The following CCSER1 variants were observed in gnomAD, a reference collection of about 807,000 sequenced individuals.
CCSER1 encodes the protein coiled-coil serine rich protein 1.
Under a neutral mutation model 82.0 loss-of-function variants are expected in CCSER1, and 41 were observed. The observed-to-expected ratio is 0.50, with a 90% confidence interval of 0.39 to 0.65. The LOEUF is 0.65. Among genes scored for constraint, CCSER1 ranks in the 30% least tolerant of loss-of-function variants. The pLI is 0.00. For missense variants in CCSER1, 1,119 were observed against 1,064.2 expected, an observed-to-expected ratio of 1.05 and a Z score of -0.72; for synonymous variants, 414 against 383.9, an observed-to-expected ratio of 1.08 and a Z score of -0.92.
chr4:91,346,208 G>T (rs983717221), intron 10 of CCSER1, among the ~76,000 whole-genome samples: 6 of 152,044 alleles, frequency 3.9e-5, no homozygotes, highest in East Asian at 1.9e-4. Context: ...GTAGAGACAG[G>T]GTTTCACCAT....
intron 1 of CCSER1, among the ~76,000 whole-genome samples, chr4:90,131,542 A>G (rs1358066372): frequency 1.3e-5 from 2 of 152,302 alleles, no homozygotes; most frequent in Non-Finnish European, 1.5e-5. Context: ...GTGAGCATCT[A>G]TTGAATACTC....
chr4:91,034,540 T>A (rs62310986), intron 9 of CCSER1, among the ~76,000 whole-genome samples: 6,407 of 145,948 alleles, frequency 0.044, 179 homozygotes, highest in Middle Eastern at 0.066. Context: ...AAAAATTTCA[T>A]ACACCCCCCC....
chr4:91,166,783 G>A (rs1289912655), intron 10 of CCSER1, among the ~76,000 whole-genome samples: 1 of 152,054 alleles, frequency 6.6e-6, no homozygotes, highest in African/African-American at 2.4e-5. Flanking sequence ...AGATTTACGT[G>A]TAAACAATTA....
chr4:91,174,131 A>G (rs1172102648), intron 10 of CCSER1, among the ~76,000 whole-genome samples: 1 of 152,208 alleles, frequency 6.6e-6, no homozygotes, highest in South Asian at 2.1e-4. Flanking sequence ...GAGAATTCTG[A>G]ACAACATTAA....
intron 9 of CCSER1, among the ~76,000 whole-genome samples, chr4:91,046,239 A>C: frequency 6.6e-6 from 1 of 151,866 alleles, no homozygotes; most frequent in African/African-American, 2.4e-5. Context: ...TACAATTCAA[A>C]CCTAATGTTG....
intron 9 of CCSER1, among the ~76,000 whole-genome samples, chr4:91,081,136 G>A (rs1425549130): frequency 1.3e-5 from 2 of 152,170 alleles, no homozygotes; most frequent in Admixed American, 6.5e-5. Flanking sequence ...TATCCCTCAT[G>A]AACATCGATG....
chr4:91,294,224 A>T (rs1351149623), intron 10 of CCSER1, among the ~76,000 whole-genome samples: 4 of 152,002 alleles, frequency 2.6e-5, no homozygotes, highest in Non-Finnish European at 5.9e-5. Flanking sequence ...ATCATCAGCA[A>T]TATAGAAATA....
intron 7 of CCSER1, among the ~76,000 whole-genome samples, chr4:90,755,577 A>G (rs1387170312): frequency 3.9e-5 from 6 of 152,360 alleles, no homozygotes; most frequent in South Asian, 2.1e-4. Context: ...TTTAAAAACA[A>G]GAAAAATGAA....
intron 10 of CCSER1, among the ~76,000 whole-genome samples, chr4:91,443,668 T>G (rs2149409556): frequency 6.8e-6 from 1 of 147,972 alleles, no homozygotes; most frequent in East Asian, 2.0e-4. Flanking sequence ...AATAAAATAA[T>G]AATAAAATAA....
At chr4:91,289,992 A>G (rs369535133) in intron 10 of CCSER1, among the ~76,000 whole-genome samples, 22 of 152,036 alleles carry the variant, frequency 1.4e-4, no homozygotes, top group African/African-American at 4.1e-4. Flanking sequence ...AATACATGCT[A>G]TCTACAAAGA....
chr4:90,328,356 AT>A (rs1738609007), intron 3 of CCSER1, among the ~76,000 whole-genome samples: 1 of 151,100 alleles, frequency 6.6e-6, no homozygotes, highest in Non-Finnish European at 1.5e-5. Context: ...TTTGATGTAT[AT>A]TGCTATTGTA....
intron 6 of CCSER1, among the ~76,000 whole-genome samples, chr4:90,648,824 C>A (rs1458418812): frequency 1.3e-5 from 2 of 152,060 alleles, no homozygotes; most frequent in Non-Finnish European, 2.9e-5. Flanking sequence ...ATATACCAGT[C>A]AATATCCCAA....
chr4:91,220,838 A>G (rs1377790108), intron 10 of CCSER1, among the ~76,000 whole-genome samples: 1 of 152,194 alleles, frequency 6.6e-6, no homozygotes, highest in Non-Finnish European at 1.5e-5. Context: ...GCTTGACTGT[A>G]GTAAGCACTT....
At chr4:91,132,792 A>T (rs757761638) in intron 10 of CCSER1, among the ~76,000 whole-genome samples, 1 of 152,214 alleles carries the variant, frequency 6.6e-6, no homozygotes, top group Admixed American at 6.5e-5. Flanking sequence ...AGTTTAGAAG[A>T]AACAATTTCA....
intron 8 of CCSER1, among the ~76,000 whole-genome samples, chr4:90,872,103 T>TA (rs951056663): frequency 9.3e-5 from 14 of 151,200 alleles, no homozygotes; most frequent in Non-Finnish European, 1.6e-4. Context: ...GTTGGGGCTT[T>TA]AAAAAAAAAT....
At chr4:90,959,788 G>A (rs1286643871) in intron 9 of CCSER1, among the ~76,000 whole-genome samples, 1 of 123,730 alleles carries the variant, frequency 8.1e-6, no homozygotes, top group Non-Finnish European at 1.7e-5. Context: ...TGCCTTCTTT[G>A]CCTATCTCAG....
chr4:90,877,581 G>A (rs1485901478), intron 8 of CCSER1, among the ~76,000 whole-genome samples: 2 of 151,738 alleles, frequency 1.3e-5, no homozygotes, highest in African/African-American at 2.4e-5. Flanking sequence ...TTTAAATGTT[G>A]ACTAAGAAAG....
chr4:90,414,651 C>A (rs985781394), intron 4 of CCSER1, among the ~76,000 whole-genome samples: 6 of 151,998 alleles, frequency 3.9e-5, no homozygotes, highest in African/African-American at 1.4e-4. Context: ...TTGAGTCATG[C>A]AATATGTTAG....
chr4:90,430,844 TTTCTGTAA>T (rs1758176186), intron 4 of CCSER1, among the ~76,000 whole-genome samples: 1 of 152,008 alleles, frequency 6.6e-6, no homozygotes, highest in Admixed American at 6.6e-5. Context: ...GTTAACTATC[TTTCTGTAA>T]TGCTGGCTTA....
Sources: gnomAD v4.1 joint callset for allele counts (sites outside exome capture counted in the v4.1 genomes callset) on GRCh38, gnomAD v4.1.1 for gene constraint, MANE v1.5 for transcripts, NCBI Gene and HGNC (gene_info 2026-07-23, HGNC 2026-07-21) for gene names.